TIAM1: variants seen among roughly 807,000 people sequenced by gnomAD.
TIAM1 encodes rho guanine nucleotide exchange factor TIAM1.
In TIAM1, 65 loss-of-function variants were observed where a neutral mutation model predicts 163.5. The observed-to-expected ratio is 0.40, with a 90% CI of 0.33 to 0.49. The LOEUF is 0.49. Ranked by LOEUF, TIAM1 falls within the 20% of genes least tolerant of loss-of-function variation. The pLI, the probability that TIAM1 is intolerant of heterozygous loss-of-function variation, is 0.77. For missense variants in TIAM1, 1,789 were observed against 2,044.7 expected (o/e 0.87, Z 2.41); for synonymous variants, 833 against 810.1 (o/e 1.03, Z -0.48).
intron 1 of TIAM1, among the ~76,000 whole-genome samples, chr21:31,535,437 T>C (rs1390117206): frequency 1.3e-5 from 2 of 148,164 alleles, no homozygotes; most frequent in Non-Finnish European, 3.0e-5. Context: ...CTTGTTCCAA[T>C]TTTTTCTCTT....
chr21:31,135,798 T>A (rs895596382), intron 23 of TIAM1, 135 bp downstream of exon 23: 58 of 771,746 alleles, frequency 7.5e-5, no homozygotes, highest in Non-Finnish European at 1.2e-4. Context: ...TGTTGGTGGC[T>A]ACGGCAGGAA....
In TIAM1 at chr21:31,243,439, G is replaced by A. The variant is rs146131032; in HGVS notation, c.1584+2049C>T. Among the ~76,000 whole-genome samples the A allele has an allele frequency of 1.1e-4, 16 of 151,552 alleles. No homozygotes were observed. The East Asian group carries it at 1.7e-3, about 17-fold the overall frequency. ...AAGCATACTAATGTAAACACAACAG[G>A]AGTCACCAAAGGAGTGGAGCAAGAT... is the stretch of plus-strand genomic sequence containing the variant. On this transcript the variant is annotated intron_variant, in intron 6 of 27. Transcript: ENST00000541036.
rs539083898 is a variant in TIAM1, at chr21:31,395,196, C to T, written c.-368-55774G>A. Among the ~76,000 whole-genome samples the T allele has an allele frequency of 2.6e-5, 4 of 151,914 alleles. No homozygotes were observed. The highest frequency in any genetic ancestry group is 1.3e-4 in the Admixed American group (2 of 15,252). On this transcript the variant is annotated intron_variant, in intron 2 of 28. Transcript: ENST00000286827. The surrounding 1 kb of genome is among the most constrained non-coding windows in gnomAD (Gnocchi z 7.5). ...GAGGTTGCAGTAAGCTGAGATCGCGCCACCACACTCCAGCCTGGGCAACAG... is the reference window on the plus strand; with the variant it reads ...GAGGTTGCAGTAAGCTGAGATCGCGTCACCACACTCCAGCCTGGGCAACAG...
intron 4 of TIAM1, among the ~76,000 whole-genome samples, chr21:31,262,367 A>C (rs896942482): frequency 2.0e-5 from 3 of 152,224 alleles, no homozygotes. Context: ...CATAAAGTTC[A>C]GGCCCAAAGA....
chr21:31,126,913 T>A, intron 26 of TIAM1, 152 bp downstream of exon 26: 1 of 685,610 alleles, frequency 1.5e-6, no homozygotes, highest in Non-Finnish European at 2.5e-6. Context: ...TCACAAGCTG[T>A]CAGCTCCTCC....
At chr21:31,439,735 G>C (rs1036385087) in intron 2 of TIAM1, among the ~76,000 whole-genome samples, 1 of 152,194 alleles carries the variant, frequency 6.6e-6, no homozygotes, top group Non-Finnish European at 1.5e-5. Context: ...GTAAGAAATA[G>C]AACTTACTTT....
At chr21:31,186,828 G>A (rs1296110958) in intron 14 of TIAM1, among the ~76,000 whole-genome samples, 173 bp downstream of exon 14, 2 of 152,060 alleles carry the variant, frequency 1.3e-5, no homozygotes, top group Middle Eastern at 3.2e-3. Flanking sequence ...GACCTTTCTG[G>A]TACACTTAAG....
intron 2 of TIAM1, among the ~76,000 whole-genome samples, chr21:31,322,038 CA>C (rs2075333751): frequency 6.6e-6 from 1 of 151,102 alleles, no homozygotes. Flanking sequence ...CATATCAAAA[CA>C]AACAAACAAA....
intron 2 of TIAM1, among the ~76,000 whole-genome samples, chr21:31,430,293 A>G (rs1403022295): frequency 6.7e-6 from 1 of 149,272 alleles, no homozygotes; most frequent in Non-Finnish European, 1.5e-5. Context: ...TATATTGCAC[A>G]GTGGGGAATC....
intron 3 of TIAM1, among the ~76,000 whole-genome samples, chr21:31,274,086 A>G (rs1056657871): frequency 6.6e-6 from 1 of 152,042 alleles, no homozygotes; most frequent in Admixed American, 6.5e-5. Flanking sequence ...CATGGTACAC[A>G]CCTGTAATCC....
intron 10 of TIAM1, 98 bp from the exon 11 acceptor site, chr21:31,210,313 C>T (rs970878128): frequency 1.4e-5 from 18 of 1,311,708 alleles, no homozygotes; most frequent in East Asian, 4.6e-5. Context: ...CCCATGAAAA[C>T]AGCCCAGGGC....
At chr21:31,172,072 A>C in intron 15 of TIAM1, among the ~76,000 whole-genome samples, 1 of 152,190 alleles carries the variant, frequency 6.6e-6, no homozygotes, top group East Asian at 1.9e-4. Context: ...AGAGTGGTCT[A>C]TTACGTGGTA....
chr21:31,387,347 C>T (rs1355953865), intron 2 of TIAM1, among the ~76,000 whole-genome samples: 3 of 151,472 alleles, frequency 2.0e-5, no homozygotes, highest in South Asian at 2.1e-4. Flanking sequence ...CTCAGCCTCC[C>T]GAGTAGCTGG....
At chr21:31,527,798 C>T (rs1286389454) in intron 1 of TIAM1, among the ~76,000 whole-genome samples, 2 of 152,146 alleles carry the variant, frequency 1.3e-5, no homozygotes, top group Non-Finnish European at 2.9e-5. Context: ...CCAGTCTCCA[C>T]TCACCTGGGC....
At chr21:31,546,187 TA>T (rs11331323) in intron 1 of TIAM1, among the ~76,000 whole-genome samples, 44,647 of 144,676 alleles carry the variant, frequency 0.31, 8,374 homozygotes, top group East Asian at 0.76. Context: ...ATTTGTAATT[TA>T]AAAAAAAAAA....
intron 2 of TIAM1, among the ~76,000 whole-genome samples, chr21:31,413,291 A>T: frequency 1.1e-5 from 1 of 95,092 alleles, no homozygotes. Flanking sequence ...TTTTTTTGAG[A>T]CGGAGTCTCA....
At position 31,275,115 on chromosome 21, in the gene TIAM1, C is replaced by G. The variant is rs181426921; in HGVS notation, c.-12+1617G>C. ...CCAGCCTGGGTGACAGAGCAAAATG[C>G]TGTCTCAAGTTAAAAAAAAAAAAAA... On this transcript the variant is annotated intron_variant, in intron 3 of 27. Transcript: ENST00000541036. Among the ~76,000 whole-genome samples the G allele has an allele frequency of 3.8e-3, 558 of 145,972 alleles. 9 individuals are homozygous for G. The highest frequency in any genetic ancestry group is 0.022 in the South Asian group (93 of 4,300).
chr21:31,349,237 G>A (rs1388969910), upstream of TIAM1, among the ~76,000 whole-genome samples: 1 of 152,164 alleles, frequency 6.6e-6, no homozygotes, highest in African/African-American at 2.4e-5. Flanking sequence ...AAGTCAACAG[G>A]GTCAGGACTC....
chr21:31,277,120 G>A, intron 2 of TIAM1, among the ~76,000 whole-genome samples: 1 of 152,184 alleles, frequency 6.6e-6, no homozygotes, highest in East Asian at 1.9e-4. Context: ...TGCATTCCCA[G>A]ATGCTTAAGG....
Sources: allele counts gnomAD v4.1 joint callset (sites outside exome capture counted in the v4.1 genomes callset), GRCh38; gene constraint gnomAD v4.1.1; non-coding constraint Gnocchi (gnomAD v3.1); transcripts MANE v1.5; gene names NCBI Gene and HGNC (gene_info 2026-07-23, HGNC 2026-07-21).